Variants in PWWP3B observed in about 807,000 individuals in gnomAD.
PWWP3B encodes the protein PWWP domain containing 3B.
Under a neutral mutation model 15.7 loss-of-function variants are expected in PWWP3B, and 5 were observed. That is an observed-to-expected ratio of 0.32 (90% CI 0.17 to 0.67). PWWP3B has a LOEUF of 0.67. Among genes scored for constraint, PWWP3B ranks in the 30% least tolerant of loss-of-function variants. The pLI, the probability that PWWP3B is intolerant of heterozygous loss-of-function variation, is 0.74. For missense variants in PWWP3B, 519 were observed against 493.1 expected, an observed-to-expected ratio of 1.05 and a Z score of -0.50; for synonymous variants, 203 against 179.8, an observed-to-expected ratio of 1.13 and a Z score of -1.03.
intron 2 of PWWP3B, among the ~76,000 whole-genome samples, chrX:106,190,930 CT>C (rs1486628311): frequency 2.7e-5 from 3 of 111,468 alleles, no homozygotes; most frequent in African/African-American, 9.8e-5. Context: ...CAGTACCATG[CT>C]GTTTTGGTTA....
chrX:106,179,666 A>T (rs1922083667), intron 2 of PWWP3B, among the ~76,000 whole-genome samples: 1 of 111,905 alleles, frequency 8.9e-6, no homozygotes, highest in African/African-American at 3.2e-5. Flanking sequence ...AAGCAGTTGG[A>T]GTAAGAATTA....
intron 2 of PWWP3B, among the ~76,000 whole-genome samples, chrX:106,181,933 G>C (rs760221087): frequency 8.9e-6 from 1 of 112,454 alleles, no homozygotes; most frequent in African/African-American, 3.2e-5. Flanking sequence ...ACGGGACCTA[G>C]AAAGGGGAGA....
rs947657903 is a variant in PWWP3B at position 106,207,290 on chromosome X, A to G, written c.1858A>G (p.Ile620Val). ...ATATTTACAAGAAGTCTGCAATCAA[A>G]TAGATCAAATAATGCCAACTTGGAT... ...VKYLQEVCNQ[I>V]DQIMPTWIKD... is the part of the protein sequence containing the mutation. Residue 620 changes from isoleucine to valine, a missense_variant, in exon 4 of 4, where the codon ATA (isoleucine) becomes GTA (valine). By Grantham distance (29) the Ile-to-Val change is conservative. Coordinates refer to ENST00000357175, the MANE Select transcript of PWWP3B (RefSeq NM_001171020.2). 1.7e-6 allele frequency: 2 copies of G among 1,209,494 alleles called. No individual in the cohort carries two copies. Among genetic ancestry groups the G allele is most frequent in the Non-Finnish European group, 2.2e-6 (2 of 894,180 alleles).
chrX:106,168,312 G>C lies in PWWP3B; in HGVS notation c.-642G>C, dbSNP rs1921437675. The C allele has an allele frequency of 1.8e-5, 2 of 112,161 alleles. No individual in the cohort carries two copies. The highest frequency in any genetic ancestry group is 2.8e-4 in the East Asian group (1 of 3,559). The allele number at this position is 112,161 out of a possible 1,213,427, so 9.2% of individuals were successfully genotyped here. ...AGAAAGCTGCGCCCAGCCAGTCTTC[G>C]GGGAGGAGCTGCATTACACACAGGC... On this transcript the variant is annotated 5_prime_UTR_variant, in exon 1 of 4. Transcript: ENST00000357175.
chrX:106,187,345 T>G (rs1922579080), intron 2 of PWWP3B, among the ~76,000 whole-genome samples: 1 of 112,094 alleles, frequency 8.9e-6, no homozygotes, highest in South Asian at 3.8e-4. Context: ...TGTTTCCCAT[T>G]CCATCATCCT....
At chrX:106,192,998 C>G (rs1923100233) in intron 2 of PWWP3B, among the ~76,000 whole-genome samples, 1 of 111,497 alleles carries the variant, frequency 9.0e-6, no homozygotes, top group African/African-American at 3.3e-5. Flanking sequence ...TGATGTGGTG[C>G]TGAATAGAAT....
chrX:106,172,253 T>C (rs1008873556), intron 2 of PWWP3B, among the ~76,000 whole-genome samples: 3 of 109,039 alleles, frequency 2.8e-5, no homozygotes, highest in Non-Finnish European at 3.8e-5. Context: ...ACTAAATTTA[T>C]AAAAAAAAAT....
intron 2 of PWWP3B, among the ~76,000 whole-genome samples, chrX:106,179,716 G>T (rs1434197700): frequency 8.9e-6 from 1 of 112,035 alleles, no homozygotes; most frequent in African/African-American, 3.2e-5. Flanking sequence ...TACTATCTGT[G>T]TGACAGTGGG....
chrX:106,170,419 A>C (rs1921554503), intron 1 of PWWP3B, among the ~76,000 whole-genome samples: 1 of 112,042 alleles, frequency 8.9e-6, no homozygotes, highest in South Asian at 3.7e-4. Flanking sequence ...AAATGAGAAC[A>C]TTATGATCCC....
rs1258961451 is a variant in PWWP3B at position 106,204,133 on chromosome X, C to T, written c.-252C>T. 1 of 111,947 alleles carries T rather than the reference C, an allele frequency of 8.9e-6. No homozygotes were observed. Among genetic ancestry groups the T allele is most frequent in the Non-Finnish European group, 1.9e-5 (1 of 53,237 alleles). The allele number at this position is 111,947 out of a possible 1,213,427, so 9.2% of individuals were successfully genotyped here. A position where few individuals can be genotyped will look rare whatever the true frequency, so the allele number is the denominator to read the frequency against. The stretch of plus-strand genomic sequence containing the variant: ...TGGAGTGAGAATCAAGACAGCCGGA[C>T]CACAGGACCAGACCCACCAGGATCC... On this transcript the variant is annotated 5_prime_UTR_variant, in exon 3 of 4. Coordinates refer to ENST00000357175, the MANE Select transcript of PWWP3B (RefSeq NM_001171020.2).
intron 2 of PWWP3B, among the ~76,000 whole-genome samples, chrX:106,172,457 A>T (rs773517649): frequency 9.9e-5 from 11 of 110,840 alleles, no homozygotes; most frequent in South Asian, 3.8e-4. Context: ...ATTTTAAAAA[A>T]TTTTTTATTT....
intron 2 of PWWP3B, among the ~76,000 whole-genome samples, chrX:106,174,301 G>A (rs982965005): frequency 1.8e-5 from 2 of 111,071 alleles, no homozygotes; most frequent in Non-Finnish European, 1.9e-5. Flanking sequence ...GGTTGTGAGG[G>A]CCTCACCAAC....
intron 2 of PWWP3B, among the ~76,000 whole-genome samples, chrX:106,196,293 G>T (rs191508636): frequency 1.6e-3 from 173 of 111,288 alleles, no homozygotes; most frequent in African/African-American, 5.2e-3. Context: ...AGGCCTTATT[G>T]TAATTGGCTG....
At chrX:106,202,981 G>C (rs1393875664) in intron 2 of PWWP3B, among the ~76,000 whole-genome samples, 2 of 110,961 alleles carry the variant, frequency 1.8e-5, no homozygotes, top group Non-Finnish European at 3.8e-5. Flanking sequence ...ATATTTATCT[G>C]GGGTTTGTTA....
chrX:106,174,212 A>G (rs1005896050), intron 2 of PWWP3B, among the ~76,000 whole-genome samples: 52 of 111,907 alleles, frequency 4.6e-4, no homozygotes, highest in Non-Finnish European at 3.6e-4. Flanking sequence ...GATGTGTCAA[A>G]TGCAGCTCTG....
At chrX:106,177,452 T>A (rs1252815267) in intron 2 of PWWP3B, 1 of 112,634 alleles carries the variant, frequency 8.9e-6, no homozygotes, top group Admixed American at 9.4e-5. Context: ...ATAGAGATTG[T>A]TGCCTGAGAG....
At chrX:106,177,919 T>C (rs1463539411) in intron 2 of PWWP3B, among the ~76,000 whole-genome samples, 1 of 112,414 alleles carries the variant, frequency 8.9e-6, no homozygotes, top group African/African-American at 3.2e-5. Context: ...TGGAAGTTTT[T>C]TTAAAATCTA....
In PWWP3B at chrX:106,206,366, A is replaced by G. The variant is rs1924024504; in HGVS notation, c.934A>G (p.Ser312Gly). The change falls in exon 4 of 4, where the codon AGT (serine) becomes GGT (glycine). Residue 312 changes from serine to glycine, a missense_variant. By Grantham distance (56) the Ser-to-Gly change is moderately conservative. Transcript: ENST00000357175. Reference protein sequence around the residue: ...SEMGAAACPGSCSRECEVSFS... With the variant: ...SEMGAAACPGGCSRECEVSFS... ...GATGGGGGCTGCAGCATGCCCTGGG[A>G]GTTGTTCAAGGGAATGCGAGGTTTC... 7 of 1,203,029 alleles carry G rather than the reference A, an allele frequency of 5.8e-6. No individual in the cohort carries two copies. The highest frequency in any genetic ancestry group is 7.9e-6 in the Non-Finnish European group (7 of 891,368).
rs952717724 is a variant in PWWP3B at position 106,207,504 on chromosome X, C to T, written c.2072C>T (p.Pro691Leu). 4.4e-6 allele frequency: 5 copies of T among 1,142,721 alleles called. No individual in the cohort carries two copies. The East Asian group carries it at 1.3e-4, about 30-fold the overall frequency. 94.2% of individuals were successfully genotyped at this position (1,142,721 alleles called of 1,213,427 possible). Residue 691 changes from proline to leucine, a missense_variant, in exon 4 of 4, where the codon CCA (proline) becomes CTA (leucine). By Grantham distance (98) the Pro-to-Leu change is moderately conservative. Coordinates refer to ENST00000357175, the MANE Select transcript of PWWP3B (RefSeq NM_001171020.2). ...ATATATGAAAAGAGACGAAAAGCACCAACAAATGAAGCTCACTAAATGTGC... is the reference window on the plus strand; with the variant it reads ...ATATATGAAAAGAGACGAAAAGCACTAACAAATGAAGCTCACTAAATGTGC... The part of the protein sequence containing the change: ...KIIYEKRRKA[P>L]TNEAH
Sources: allele counts gnomAD v4.1 joint callset (sites outside exome capture counted in the v4.1 genomes callset), GRCh38; gene constraint gnomAD v4.1.1; transcripts MANE v1.5; gene names NCBI Gene and HGNC (gene_info 2026-07-23, HGNC 2026-07-21).